GRB10: variants seen among roughly 807,000 people sequenced by gnomAD.
GRB10 encodes growth factor receptor-bound protein 10.
Under a neutral mutation model 80.9 loss-of-function variants are expected in GRB10, and 20 were observed. The observed-to-expected ratio is 0.25, with a 90% CI of 0.17 to 0.36. The LOEUF (loss-of-function observed/expected upper bound fraction) is 0.36, where lower values mean the gene tolerates loss of function less well. GRB10 is among the 10% of genes least tolerant of loss of function. The probability of loss-of-function intolerance (pLI) is 1.00; values close to 1 mark genes in which losing one functional copy is unlikely to be tolerated. For synonymous variants in GRB10, 291 were observed against 291.5 expected, an observed-to-expected ratio of 1.00 and a Z score of 0.02; for missense variants, 548 against 747.7, an observed-to-expected ratio of 0.73 and a Z score of 3.12.
At chr7:50,705,587 T>C (rs1283239386) in intron 4 of GRB10, among the ~76,000 whole-genome samples, 2 of 152,216 alleles carry the variant, frequency 1.3e-5, no homozygotes, top group Non-Finnish European at 2.9e-5. Flanking sequence ...GTAGAGAACA[T>C]GCATACTCTA....
At position 50,616,329 on chromosome 7, in the gene GRB10, T is replaced by A. The variant is rs1383512638; in HGVS notation, c.865A>T (p.Ser289Cys). 1 of 1,614,164 alleles carries A rather than the reference T, an allele frequency of 6.2e-7. No homozygotes were observed. Among genetic ancestry groups the A allele is most frequent in the South Asian group, 1.1e-5 (1 of 91,080 alleles). ...QLLQNFLNSS[S>C]CPEIQGFLHV... ...AAAAACCCTTGAATTTCAGGACAAC[T>A]ACTGGAGTTCAGAAAATTCTGTTGA... The change falls in exon 11 of 19, where the codon AGT becomes TGT. Residue 289 changes from serine (S) to cysteine (C), a missense_variant. Around this residue, in one of 4 missense-constraint regions of GRB10, gnomAD observed 270 missense variants for 433.6 expected, o/e 0.62. Coordinates refer to ENST00000401949, the MANE Select transcript of GRB10 (RefSeq NM_001350814.2).
intron 2 of GRB10, among the ~76,000 whole-genome samples, chr7:50,765,122 A>G (rs1232596857): frequency 6.6e-6 from 1 of 152,324 alleles, no homozygotes; most frequent in East Asian, 1.9e-4. Flanking sequence ...CCACAATAAG[A>G]TATCATCTCA....
intron 7 of GRB10, among the ~76,000 whole-genome samples, chr7:50,644,629 A>C (rs1241089960): frequency 1.3e-5 from 2 of 152,186 alleles, no homozygotes; most frequent in African/African-American, 2.4e-5. Flanking sequence ...GGACAGGTCT[A>C]ACTGTGATTT....
intron 2 of GRB10, among the ~76,000 whole-genome samples, chr7:50,768,220 G>A (rs1456777348): frequency 1.3e-5 from 2 of 152,156 alleles, no homozygotes; most frequent in African/African-American, 4.8e-5. Context: ...CCTGAGTGGT[G>A]CCTTAGCTAA....
At chr7:50,661,812 C>A (rs2059309950) in intron 7 of GRB10, among the ~76,000 whole-genome samples, 1 of 152,204 alleles carries the variant, frequency 6.6e-6, no homozygotes, top group South Asian at 2.1e-4. Context: ...GGCTTACCCA[C>A]CCGTATATGG....
intron 8 of GRB10, among the ~76,000 whole-genome samples, chr7:50,621,649 T>C (rs1195772837): frequency 6.6e-6 from 1 of 152,238 alleles, no homozygotes; most frequent in Non-Finnish European, 1.5e-5. Context: ...GATTTAAAGA[T>C]ATGTATTTTC....
chr7:50,616,624 A>G (rs1050323206), intron 10 of GRB10, among the ~76,000 whole-genome samples: 2 of 152,236 alleles, frequency 1.3e-5, no homozygotes, highest in African/African-American at 4.8e-5. Context: ...TGAAGGATCC[A>G]GTCTGATATC....
upstream of GRB10, among the ~76,000 whole-genome samples, chr7:50,787,264 A>AGAG (rs1260206004): frequency 1.0e-5 from 1 of 98,150 alleles, no homozygotes; most frequent in African/African-American, 3.1e-5. Context: ...GGGGCTCTGG[A>AGAG]GAGCAGGAGG....
At chr7:50,636,641 C>G (rs1316839829) in intron 7 of GRB10, among the ~76,000 whole-genome samples, 1 of 152,002 alleles carries the variant, frequency 6.6e-6, no homozygotes, top group East Asian at 1.9e-4. Context: ...ATATGATTAT[C>G]TAAATGGATG....
chr7:50,608,516 G>A (rs963936669), intron 13 of GRB10, among the ~76,000 whole-genome samples: 15 of 152,278 alleles, frequency 9.9e-5, no homozygotes, highest in African/African-American at 3.6e-4. Flanking sequence ...TGATTAAAGA[G>A]TATATAAAAC....
chr7:50,606,706 T>G, intron 13 of GRB10: 1 of 429,628 alleles, frequency 2.3e-6, no homozygotes, highest in Non-Finnish European at 4.3e-6. Flanking sequence ...AATTAACATA[T>G]ATTTCGTATA....
At chr7:50,744,418 G>C (rs2072478000) in intron 3 of GRB10, among the ~76,000 whole-genome samples, 1 of 152,082 alleles carries the variant, frequency 6.6e-6, no homozygotes, top group Non-Finnish European at 1.5e-5. Context: ...GGTAGGAGTT[G>C]GAGCACGAAC....
chr7:50,722,873 G>T (rs146648765), intron 4 of GRB10, among the ~76,000 whole-genome samples: 65 of 152,162 alleles, frequency 4.3e-4, no homozygotes, highest in African/African-American at 1.5e-3. Context: ...GGTAAAGATA[G>T]CGCTCTCAGG....
intron 3 of GRB10, among the ~76,000 whole-genome samples, chr7:50,749,135 T>TTTTG (rs2073671403): frequency 1.4e-5 from 2 of 139,422 alleles, no homozygotes; most frequent in Non-Finnish European, 3.1e-5. Context: ...TTTTTGTTTG[T>TTTTG]TTTTTTTTTT....
chr7:50,703,851 C>T lies in GRB10; in HGVS notation c.109G>A (p.Ala37Thr), dbSNP rs180853209. The change falls in exon 5 of 19, where the codon GCA becomes ACA. Residue 37 changes from alanine to threonine, a missense_variant. By Grantham distance (58) the Ala-to-Thr change is moderately conservative (BLOSUM62 0). Coordinates refer to ENST00000401949, the MANE Select transcript of GRB10 (RefSeq NM_001350814.2). Reference sequence around the variant, plus strand: ...TGATTCGCAAGTCGGTCAGACTGTGCGGGGAGTCCTGGTCCTGCCGGGTCT... The same window carrying T: ...TGATTCGCAAGTCGGTCAGACTGTGTGGGGAGTCCTGGTCCTGCCGGGTCT... ...QQDPAGPGLP[A>T]QSDRLANHQE... 1.2e-4 allele frequency: 192 copies of T among 1,612,952 alleles called. No homozygotes were observed. Among genetic ancestry groups the T allele is most frequent in the Admixed American group, 2.0e-4 (12 of 59,956 alleles).
At chr7:50,667,541 C>T (rs2153634725) in intron 7 of GRB10, among the ~76,000 whole-genome samples, 1 of 152,132 alleles carries the variant, frequency 6.6e-6, no homozygotes, top group South Asian at 2.1e-4. Context: ...GATCCAAAGC[C>T]CTGGGAAGTG....
intron 7 of GRB10, among the ~76,000 whole-genome samples, chr7:50,667,042 C>CAA (rs777580027): frequency 0.14 from 15,138 of 107,494 alleles, 1,777 homozygotes; most frequent in African/African-American, 0.27. Flanking sequence ...GACTCTGTCT[C>CAA]AAAAAAAAAA....
At chr7:50,710,801 A>G in intron 4 of GRB10, 1 of 1,526,776 alleles carries the variant, frequency 6.5e-7, no homozygotes, top group Non-Finnish European at 9.1e-7. Context: ...TGAGGTTCAA[A>G]TTAAAATAAC....
chr7:50,756,058 T>G lies in GRB10; in HGVS notation c.-216-2A>C. The G allele has an allele frequency of 2.5e-6, 1 of 398,644 alleles. No individual in the cohort carries two copies. Among genetic ancestry groups the G allele is most frequent in the Non-Finnish European group, 4.4e-6 (1 of 226,072 alleles). The allele number at this position is 398,644 out of a possible 1,614,324, so 24.7% of individuals were successfully genotyped here. A position where few individuals can be genotyped will look rare whatever the true frequency, so the allele number is the denominator to read the frequency against. ...TCAGCATTGTGGTCAGCGCCAAAGCTGGAAAGTCAAACGGGCCATCACTGA... is the reference window on the plus strand; with the variant it reads ...TCAGCATTGTGGTCAGCGCCAAAGCGGGAAAGTCAAACGGGCCATCACTGA... On this transcript the variant is annotated splice_acceptor_variant, in intron 2 of 18. Coordinates refer to ENST00000401949, the MANE Select transcript of GRB10 (RefSeq NM_001350814.2). LOFTEE classifies it low-confidence loss of function (5UTR_SPLICE).
Sources: gnomAD v4.1 joint callset for allele counts (sites outside exome capture counted in the v4.1 genomes callset) on GRCh38, gnomAD v4.1.1 for gene constraint, gnomAD v4.1.1 regional missense constraint, MANE v1.5 for transcripts, NCBI Gene and HGNC (gene_info 2026-07-23, HGNC 2026-07-21) for gene names.